SSR4: variants seen among roughly 807,000 people sequenced by gnomAD.
SSR4 encodes the protein translocon-associated protein subunit delta.
For synonymous variants in SSR4, 84 were observed against 65.6 expected (o/e 1.28, Z -1.35); for missense variants, 125 against 148.8 (o/e 0.84, Z 0.83).
At chrX:153,797,200 G>A in intron 2 of SSR4, 1 of 396,997 alleles carries the variant, frequency 2.5e-6, no homozygotes, top group Non-Finnish European at 4.4e-6. Context: ...TCCCGCCCCT[G>A]CTCACAGTCA....
chrX:153,794,865 CG>C, intron 1 of SSR4, 111 bp downstream of exon 1: 1 of 945,008 alleles, frequency 1.1e-6, no homozygotes, highest in Non-Finnish European at 1.4e-6. Context: ...CGCTGCGGGC[CG>C]GGCCTTCCCC....
rs2092128190 is a variant in SSR4 at position 153,794,668 on chromosome X, C to T, written c.-20C>T. ...GTTCATGGGAGCTCGTTTTCTTTTC[C>T]TCTAGGCAGAGAAGAGGCGATGGCG... On this transcript the variant is annotated 5_prime_UTR_variant, in exon 1 of 6. Transcript: ENST00000370086. 1.5e-5 allele frequency: 18 copies of T among 1,211,342 alleles called. No homozygotes were observed. Among genetic ancestry groups the T allele is most frequent in the Middle Eastern group, 2.3e-4 (1 of 4,354 alleles).
chrX:153,794,220 G>A (rs781904092), upstream of SSR4: 1 of 1,163,830 alleles, frequency 8.6e-7, no homozygotes, highest in Non-Finnish European at 1.1e-6. Flanking sequence ...CCGCTGCCGC[G>A]GTCCCGTGGC....
At chrX:153,797,032 C>A in intron 2 of SSR4, 1 of 186,056 alleles carries the variant, frequency 5.4e-6, no homozygotes, top group Non-Finnish European at 1.0e-5. Flanking sequence ...GTGCTCGCCA[C>A]CATGCCCAGC....
chrX:153,798,346 C>G lies in SSR4; in HGVS notation c.435C>G (p.Pro145=). Residue 145 remains proline, a synonymous_variant, in exon 6 of 6, where the codon CCC becomes CCG. Transcript: ENST00000370086. ...TTTTTCAGGGCACTTGGAACGGGCC[C>G]TGGGTGTCCACTGAGGTGCTGGCTG... is the stretch of plus-strand genomic sequence containing the variant. The part of the protein sequence containing the change: ...SVDHRGTWNG[P]WVSTEVLAAA... 1 of 1,207,562 alleles carries G rather than the reference C, an allele frequency of 8.3e-7. No individual in the cohort carries two copies. Among genetic ancestry groups the G allele is most frequent in the Non-Finnish European group, 1.1e-6 (1 of 893,279 alleles).
intron 2 of SSR4, chrX:153,796,800 C>T: frequency 2.7e-6 from 1 of 366,096 alleles, no homozygotes; most frequent in East Asian, 4.5e-5. Flanking sequence ...AGTATCTGGA[C>T]CGGGAGAAAG....
At chrX:153,797,220 C>G in intron 2 of SSR4, 4 of 419,525 alleles carry the variant, frequency 9.5e-6, no homozygotes, top group Non-Finnish European at 1.7e-5. Context: ...AACAGGGTTC[C>G]TATGCGTCCA....
intron 2 of SSR4, chrX:153,796,917 GT>G: frequency 5.0e-6 from 1 of 199,786 alleles, no homozygotes; most frequent in Admixed American, 6.8e-5. Flanking sequence ...GTCTCACTCT[GT>G]TGCCTCAGCT....
chrX:153,797,601 G>A (rs1444042950), intron 3 of SSR4, 69 bp downstream of exon 3: 6 of 1,140,365 alleles, frequency 5.3e-6, no homozygotes, highest in Non-Finnish European at 7.2e-6. Flanking sequence ...CCCCAGGGGT[G>A]GCCGGTCAAC....
chrX:153,794,974 C>A (rs1331658544), intron 1 of SSR4: 1 of 438,763 alleles, frequency 2.3e-6, no homozygotes, highest in East Asian at 3.9e-5. Context: ...AAGAGGAGTC[C>A]CCGAGCCTCC....
In SSR4 at chrX:153,795,797, C is replaced by T. The variant is rs181237440; in HGVS notation, c.68-637C>T. On this transcript the variant is annotated intron_variant, in intron 1 of 5. Coordinates refer to ENST00000370086, the MANE Select transcript of SSR4 (RefSeq NM_006280.3). The stretch of plus-strand genomic sequence containing the variant: ...ACTTTGGGGAGCCTTTGTTTCACAC[C>T]CTCTGATGTAGGCGGCAGCCTTCCT... 1,149 of 753,990 alleles carry T rather than the reference C, an allele frequency of 1.5e-3. 1 individual carries two copies. Among genetic ancestry groups the T allele is most frequent in the Admixed American group, 4.7e-3 (55 of 11,626 alleles). The allele number at this position is 753,990 out of a possible 1,213,427, so 62.1% of individuals were successfully genotyped here. A position where few individuals can be genotyped will look rare whatever the true frequency, so the allele number is the denominator to read the frequency against.
Position 153,798,376 on chromosome X carries a change from G to A in SSR4, c.465G>A (p.Ala155=), listed in dbSNP as rs782089926. The change falls in exon 6 of 6, where the codon GCG becomes GCA. Residue 155 remains alanine, a synonymous_variant. Transcript: ENST00000370086. ...TGTCCACTGAGGTGCTGGCTGCGGCGATCGGCCTTGTGATCTACTACTTGG... is the reference window on the plus strand; with the variant it reads ...TGTCCACTGAGGTGCTGGCTGCGGCAATCGGCCTTGTGATCTACTACTTGG... The part of the protein sequence containing the change: ...PWVSTEVLAA[A]IGLVIYYLAF... The A allele has an allele frequency of 2.3e-5, 28 of 1,203,585 alleles. No individual in the cohort carries two copies. Among genetic ancestry groups the A allele is most frequent in the South Asian group, 3.6e-5 (2 of 55,751 alleles).
Position 153,797,037 on chromosome X carries a change from C to T in SSR4, c.187-421C>T. The T allele has an allele frequency of 2.7e-5, 5 of 187,592 alleles. No individual in the cohort carries two copies. In the South Asian group the frequency reaches 4.6e-4, roughly 17 times the overall value. 15.5% of individuals were successfully genotyped at this position (187,592 alleles called of 1,213,427 possible). On this transcript the variant is annotated intron_variant, in intron 2 of 5. Coordinates refer to ENST00000370086, the MANE Select transcript of SSR4 (RefSeq NM_006280.3). Reference sequence around the variant, plus strand: ...GGGATGACAGGTGCTCGCCACCATGCCCAGCTAAGTTCCCATAAGTCCAAA... The same window carrying T: ...GGGATGACAGGTGCTCGCCACCATGTCCAGCTAAGTTCCCATAAGTCCAAA...
chrX:153,795,912 C>T (rs1196610739), intron 1 of SSR4: 1 of 699,320 alleles, frequency 1.4e-6, no homozygotes, highest in African/African-American at 2.4e-5. Flanking sequence ...AGAGTCTCTC[C>T]CGTTTACTTC....
upstream of SSR4, chrX:153,794,652 A>G (rs1341277625): frequency 8.3e-7 from 1 of 1,209,682 alleles, no homozygotes; most frequent in Non-Finnish European, 1.1e-6. Context: ...TGTTCATGGG[A>G]GCTCGTTTTC....
At chrX:153,795,333 A>C (rs1216388700) in intron 1 of SSR4, 1 of 112,990 alleles carries the variant, frequency 8.9e-6, no homozygotes, top group Non-Finnish European at 1.9e-5. Flanking sequence ...GAGTGTGTTT[A>C]GGAGGTGGCT....
At chrX:153,795,505 T>A in intron 1 of SSR4, 1 of 180,909 alleles carries the variant, frequency 5.5e-6, no homozygotes, top group Non-Finnish European at 8.7e-6. Context: ...CCCTCAGGAA[T>A]TCCCTGAACT....
Position 153,795,046 on chromosome X carries a change from C to T in SSR4, c.67+292C>T, listed in dbSNP as rs1216609198. The T allele has an allele frequency of 1.6e-5, 6 of 365,199 alleles. No individual in the cohort carries two copies. The East Asian group carries it at 2.9e-4, about 18-fold the overall frequency. 30.1% of individuals were successfully genotyped at this position (365,199 alleles called of 1,213,427 possible). ...TGACACATGTCCCGGCTCCCGCTCCCTGCGGGGTCGGACCGGAGCGAAGCT... is the reference window on the plus strand; with the variant it reads ...TGACACATGTCCCGGCTCCCGCTCCTTGCGGGGTCGGACCGGAGCGAAGCT... On this transcript the variant is annotated intron_variant, in intron 1 of 5. Coordinates refer to ENST00000370086, the MANE Select transcript of SSR4 (RefSeq NM_006280.3).
At position 153,797,447 on chromosome X, in the gene SSR4, C is replaced by G. The variant is rs1557072832; in HGVS notation, c.187-11C>G. 8.3e-7 allele frequency: 1 copy of G among 1,207,807 alleles called. No homozygotes were observed. Among genetic ancestry groups the G allele is most frequent in the Admixed American group, 2.2e-5 (1 of 46,152 alleles). On this transcript the variant is annotated splice_polypyrimidine_tract_variant and intron_variant, in intron 2 of 5. Transcript: ENST00000370086. ...GGCAGAAGGTGACCCTGCCTTTGTTCCCTCACCCAGAACATGGCTCTCTAT... is the reference window on the plus strand; with the variant it reads ...GGCAGAAGGTGACCCTGCCTTTGTTGCCTCACCCAGAACATGGCTCTCTAT...
Sources: allele counts gnomAD v4.1 joint callset, GRCh38; gene constraint gnomAD v4.1.1; transcripts MANE v1.5; gene names NCBI Gene and HGNC (gene_info 2026-07-23, HGNC 2026-07-21).